Variants in SLC16A4 observed in about 807,000 individuals in gnomAD.
SLC16A4 encodes the protein solute carrier family 16 member 4, also known as probable monocarboxylate transporter 5.
Under a neutral mutation model 47.9 loss-of-function variants are expected in SLC16A4, and 39 were observed. That is an observed-to-expected ratio of 0.81 (90% CI 0.63 to 1.06). SLC16A4 has a LOEUF of 1.06. SLC16A4 is among the 50% of genes least tolerant of loss of function. The pLI is 0.00. For synonymous variants in SLC16A4, 189 were observed against 199.9 expected, an observed-to-expected ratio of 0.95 and a Z score of 0.46; for missense variants, 524 against 573.8, an observed-to-expected ratio of 0.91 and a Z score of 0.89.
chr1:110,363,716 G>T lies in SLC16A4; in HGVS notation c.*50C>A. The T allele has an allele frequency of 6.6e-7, 1 of 1,510,470 alleles. No homozygotes were observed. Among genetic ancestry groups the T allele is most frequent in the Non-Finnish European group, 8.9e-7 (1 of 1,129,682 alleles). 93.6% of individuals were successfully genotyped at this position (1,510,470 alleles called of 1,614,324 possible). A position where few individuals can be genotyped will look rare whatever the true frequency, so the allele number is the denominator to read the frequency against. On this transcript the variant is annotated 3_prime_UTR_variant, in exon 9 of 9. Transcript: ENST00000369779. ...CAAGCTTTTGTTTCCAATGACATTA[G>T]TTTAGGTTTTCTTTTGTTTAGCTCT...
At chr1:110,367,148 T>C (rs1032985249) in intron 8 of SLC16A4, among the ~76,000 whole-genome samples, 4 of 152,238 alleles carry the variant, frequency 2.6e-5, no homozygotes, top group African/African-American at 9.6e-5. Context: ...TCGTTGCTAT[T>C]GAAACATCTA....
chr1:110,382,752 C>T, intron 3 of SLC16A4, 82 bp downstream of exon 3: 1 of 1,305,038 alleles, frequency 7.7e-7, no homozygotes, highest in Non-Finnish European at 1.0e-6. Flanking sequence ...AACTGAATTC[C>T]TATTCAGTCT....
intron 2 of SLC16A4, among the ~76,000 whole-genome samples, chr1:110,385,139 T>C (rs1259651892): frequency 1.3e-5 from 2 of 152,196 alleles, no homozygotes; most frequent in African/African-American, 4.8e-5. Context: ...TCATTTACTC[T>C]CAAGGTTTTA....
intron 2 of SLC16A4, 33 bp from the exon 3 acceptor site, chr1:110,382,999 TG>T: frequency 6.4e-7 from 1 of 1,554,998 alleles, no homozygotes; most frequent in Non-Finnish European, 8.7e-7. Flanking sequence ...CCAACTCAGG[TG>T]GTAAGTGAGC....
intron 2 of SLC16A4, among the ~76,000 whole-genome samples, chr1:110,388,850 A>G (rs1662871242): frequency 6.6e-6 from 1 of 152,214 alleles, no homozygotes; most frequent in South Asian, 2.1e-4. Context: ...AGCTGGGACT[A>G]CAGGTGCATG....
intron 8 of SLC16A4, among the ~76,000 whole-genome samples, chr1:110,369,895 A>C (rs773359761): frequency 1.3e-5 from 2 of 152,182 alleles, no homozygotes; most frequent in Non-Finnish European, 2.9e-5. Flanking sequence ...AGCAAATTTA[A>C]ATTTCAGGGC....
chr1:110,377,173 T>C lies in SLC16A4; in HGVS notation c.1031-12A>G, dbSNP rs781341052. ...CGTCTCAAGGATACCTGGAACAATA[T>C]TGAAATCTTTTTATTTTCCTGGTCC... On this transcript the variant is annotated splice_polypyrimidine_tract_variant and intron_variant, in intron 6 of 8. Transcript: ENST00000369779. 10 of 1,605,476 alleles carry C rather than the reference T, an allele frequency of 6.2e-6. No homozygotes were observed. Among genetic ancestry groups the C allele is most frequent in the South Asian group, 5.5e-5 (5 of 90,562 alleles).
intron 3 of SLC16A4, among the ~76,000 whole-genome samples, chr1:110,382,163 G>C (rs1169961209): frequency 6.6e-6 from 1 of 152,148 alleles, no homozygotes; most frequent in African/African-American, 2.4e-5. Flanking sequence ...AGAAGAAATT[G>C]GTTCTATAAT....
At chr1:110,372,141 AAGG>A (rs1380611507) in intron 8 of SLC16A4, 1 of 152,116 alleles carries the variant, frequency 6.6e-6, no homozygotes, top group Non-Finnish European at 1.5e-5. Context: ...TTTATACAGG[AAGG>A]AGAGAAATAT....
At chr1:110,366,318 C>T (rs1445166563) in intron 8 of SLC16A4, among the ~76,000 whole-genome samples, 3 of 152,020 alleles carry the variant, frequency 2.0e-5, no homozygotes, top group African/African-American at 7.2e-5. Flanking sequence ...CCACCACACC[C>T]GGCTCATTTT....
rs373346582 is a variant in SLC16A4, at chr1:110,374,261, G to A, written c.1336+1197C>T. Among the ~76,000 whole-genome samples, 6 of 152,014 alleles carry A rather than the reference G, an allele frequency of 3.9e-5. No homozygotes were observed. The East Asian group carries it at 5.8e-4, about 15-fold the overall frequency. ...TCACCATGGTGGCCAGGCTGGTCTCGAACTCCTGACCTCAGGTGATCCACC... is the reference window on the plus strand; with the variant it reads ...TCACCATGGTGGCCAGGCTGGTCTCAAACTCCTGACCTCAGGTGATCCACC... On this transcript the variant is annotated intron_variant, in intron 8 of 8. Transcript: ENST00000369779.
chr1:110,388,179 ACT>A (rs1156342838), intron 2 of SLC16A4, among the ~76,000 whole-genome samples: 6 of 151,902 alleles, frequency 3.9e-5, no homozygotes, highest in African/African-American at 1.5e-4. Flanking sequence ...AGCTGGTGCC[ACT>A]CTCTGGAGAG....
rs1570641042 is a variant in SLC16A4 at position 110,376,716 on chromosome 1, A to G, written c.1242+234T>C. The stretch of plus-strand genomic sequence containing the variant: ...TGATAAGTAAAAAGGAATCCTGCTG[A>G]TCCCTTTTTTGCTTTAATTTTATTC... On this transcript the variant is annotated intron_variant, in intron 7 of 8. Transcript: ENST00000369779. Among the ~76,000 whole-genome samples, 8 of 150,544 alleles carry G rather than the reference A, an allele frequency of 5.3e-5. No homozygotes were observed. In the South Asian group the frequency reaches 1.5e-3, roughly 27 times the overall value.
chr1:110,381,958 A>G (rs1215633853), intron 3 of SLC16A4, among the ~76,000 whole-genome samples, 163 bp from the exon 4 acceptor site: 1 of 152,208 alleles, frequency 6.6e-6, no homozygotes. Context: ...TCTTAATATC[A>G]CTAGTGCCAC....
At position 110,379,252 on chromosome 1, in the gene SLC16A4, T is replaced by C; in HGVS notation, c.631A>G (p.Lys211Glu). 6.2e-7 allele frequency: 1 copy of C among 1,614,210 alleles called. No individual in the cohort carries two copies. Among genetic ancestry groups the C allele is most frequent in the Non-Finnish European group, 8.5e-7 (1 of 1,180,026 alleles). The change falls in exon 6 of 9, where the codon AAA becomes GAA. Residue 211 changes from lysine to glutamate, a missense_variant. Transcript: ENST00000369779. ...CCATGTGCAGACAAACTGCTGCCTT[T>C]ATCTTTAATACCAGAATTGTTCTCA... ...KSENNSGIKDKGSSLSAHGPE... is the reference protein window; with the variant it reads ...KSENNSGIKDEGSSLSAHGPE...
At chr1:110,389,181 T>C in intron 2 of SLC16A4, 56 bp downstream of exon 2, 1 of 1,409,304 alleles carries the variant, frequency 7.1e-7, no homozygotes, top group South Asian at 1.1e-5. Flanking sequence ...TCTGAGCCTT[T>C]CTCCAGAAAG....
At chr1:110,389,465 G>T in intron 1 of SLC16A4, 110 bp from the exon 2 acceptor site, 1 of 725,982 alleles carries the variant, frequency 1.4e-6, no homozygotes, top group Non-Finnish European at 2.3e-6. Flanking sequence ...ATGCAAATTA[G>T]TTCAGCCACT....
At chr1:110,389,195 G>A (rs1328699296) in intron 2 of SLC16A4, 42 bp downstream of exon 2, 2 of 1,506,526 alleles carry the variant, frequency 1.3e-6, no homozygotes, top group East Asian at 4.5e-5. Context: ...CAGAAAGCCT[G>A]CTTTTAGGCA....
At chr1:110,382,549 A>T (rs990094379) in intron 3 of SLC16A4, among the ~76,000 whole-genome samples, 1 of 152,206 alleles carries the variant, frequency 6.6e-6, no homozygotes, top group African/African-American at 2.4e-5. Context: ...TTACTCATTG[A>T]ACCTATATTA....
Sources: allele counts gnomAD v4.1 joint callset (sites outside exome capture counted in the v4.1 genomes callset), GRCh38; gene constraint gnomAD v4.1.1; transcripts MANE v1.5; gene names NCBI Gene and HGNC (gene_info 2026-07-23, HGNC 2026-07-21).